The following NEMF variants were observed in gnomAD, a reference collection of about 807,000 sequenced individuals.
NEMF encodes ribosome quality control complex subunit NEMF.
In NEMF, 89 loss-of-function variants were observed where a neutral mutation model predicts 162.2. The observed-to-expected ratio is 0.55, with a 90% CI of 0.46 to 0.65. NEMF has a LOEUF of 0.65. NEMF is among the 30% of genes least tolerant of loss of function. The probability of loss-of-function intolerance (pLI) is 0.00; values close to 1 mark genes in which losing one functional copy is unlikely to be tolerated. For missense variants in NEMF, 1,133 were observed against 1,261.9 expected (o/e 0.90, Z 1.55); for synonymous variants, 421 against 404.5 (o/e 1.04, Z -0.49).
At chr14:49,786,462 A>G (rs1224437505) in intron 29 of NEMF, 2 of 489,722 alleles carry the variant, frequency 4.1e-6, no homozygotes, top group African/African-American at 1.9e-5. Flanking sequence ...CTTTACATAC[A>G]TTAGTTATCA....
chr14:49,804,944 C>T (rs1183786978), intron 19 of NEMF, among the ~76,000 whole-genome samples: 8 of 151,196 alleles, frequency 5.3e-5, no homozygotes, highest in Non-Finnish European at 5.9e-5. Context: ...GCAGGAGAAT[C>T]GCTTGAACCC....
chr14:49,805,104 G>T (rs1256601399), intron 19 of NEMF, among the ~76,000 whole-genome samples: 1 of 152,056 alleles, frequency 6.6e-6, no homozygotes, highest in African/African-American at 2.4e-5. Context: ...ATTTCTTAAT[G>T]AAAGAATTAA....
chr14:49,806,323 G>A (rs1338426930), intron 18 of NEMF, among the ~76,000 whole-genome samples, 190 bp from the exon 19 acceptor site: 2 of 128,950 alleles, frequency 1.6e-5, no homozygotes, highest in Non-Finnish European at 3.2e-5. Context: ...GTGCAATGGC[G>A]CAATCTCAGC....
At chr14:49,843,455 C>T (rs1247999862) in intron 4 of NEMF, among the ~76,000 whole-genome samples, 2 of 152,132 alleles carry the variant, frequency 1.3e-5, no homozygotes, top group African/African-American at 4.8e-5. Context: ...GATCATGCCA[C>T]TGAATTCCAG....
At chr14:49,837,742 GTATTGGGATCAAAAATGCT>G (rs1010496895) in intron 6 of NEMF, among the ~76,000 whole-genome samples, 1 of 148,244 alleles carries the variant, frequency 6.7e-6, no homozygotes, top group African/African-American at 2.5e-5. Context: ...GTATAAAAGT[GTATTGGGATCAAAAATGCT>G]TATTGGGATC....
chr14:49,839,106 T>G (rs1893067071), intron 5 of NEMF, among the ~76,000 whole-genome samples: 2 of 151,210 alleles, frequency 1.3e-5, no homozygotes, highest in Non-Finnish European at 3.0e-5. Context: ...GAGACAGAGT[T>G]TTGCTCTGTT....
rs1019189718 is a variant in NEMF at position 49,782,244 on chromosome 14, C to T, written c.*2392G>A. On this transcript the variant is annotated 3_prime_UTR_variant, in exon 33 of 33. Coordinates refer to ENST00000298310, the MANE Select transcript of NEMF (RefSeq NM_004713.6). ...TACTTTCCCTTAAGATTTTACTTCT[C>T]GCCATGATGTTTTGGTCTGAACTAC... is the stretch of plus-strand genomic sequence containing the variant. 1.6e-5 allele frequency: 9 copies of T among 566,286 alleles called. No individual in the cohort carries two copies. Among genetic ancestry groups the T allele is most frequent in the South Asian group, 2.7e-5 (1 of 37,646 alleles). The allele number at this position is 566,286 out of a possible 1,614,324, so 35.1% of individuals were successfully genotyped here.
Position 49,820,880 on chromosome 14 carries a change from A to G in NEMF, c.1577+4987T>C, listed in dbSNP as rs545815486. On this transcript the variant is annotated intron_variant, in intron 16 of 32. Coordinates refer to ENST00000298310, the MANE Select transcript of NEMF (RefSeq NM_004713.6). The stretch of plus-strand genomic sequence containing the variant: ...AGTGATCCGCCAGCCTCGGCATCCC[A>G]AGGTGCCGGGATTGCAGACGGAGTC... Among the ~76,000 whole-genome samples, 5 of 152,066 alleles carry G rather than the reference A, an allele frequency of 3.3e-5. No homozygotes were observed. The South Asian group carries it at 1.0e-3, about 32-fold the overall frequency.
chr14:49,837,721 G>A (rs1009925071), intron 6 of NEMF, among the ~76,000 whole-genome samples: 7 of 149,742 alleles, frequency 4.7e-5, no homozygotes, highest in Admixed American at 2.7e-4. Flanking sequence ...GCTAAGTGAT[G>A]ATCTTCTCAA....
At chr14:49,827,507 A>G (rs187689389) in intron 15 of NEMF, among the ~76,000 whole-genome samples, 136 of 152,248 alleles carry the variant, frequency 8.9e-4, no homozygotes, top group African/African-American at 3.1e-3. Flanking sequence ...ATTCAAAAGG[A>G]TCACAACGGG....
chr14:49,787,657 C>T (rs1403230405), intron 28 of NEMF, among the ~76,000 whole-genome samples: 1 of 152,150 alleles, frequency 6.6e-6, no homozygotes, highest in Non-Finnish European at 1.5e-5. Context: ...TTTAGGTTCC[C>T]ATATATGAAT....
At position 49,831,257 on chromosome 14, in the gene NEMF, TA is replaced by T. The variant is rs762528068; in HGVS notation, c.945+41del. 3 of 1,146,562 alleles carry T rather than the reference TA, an allele frequency of 2.6e-6. No homozygotes were observed. In the South Asian group the frequency reaches 3.8e-5, roughly 15 times the overall value. 71.0% of individuals were successfully genotyped at this position (1,146,562 alleles called of 1,614,324 possible). On this transcript the variant is annotated intron_variant, in intron 11 of 32. Coordinates refer to ENST00000298310, the MANE Select transcript of NEMF (RefSeq NM_004713.6). ...CTATATCATCTACCCATCAAGCCGCTAAAGACTAGCTGGTTTAATATGTGTT... is the reference window on the plus strand; with the variant it reads ...CTATATCATCTACCCATCAAGCCGCTAAGACTAGCTGGTTTAATATGTGTT...
intron 25 of NEMF, among the ~76,000 whole-genome samples, chr14:49,797,965 C>G (rs754506700): frequency 6.6e-6 from 1 of 152,104 alleles, no homozygotes; most frequent in Non-Finnish European, 1.5e-5. Flanking sequence ...TCCCAAAATG[C>G]GCATGTCAGG....
intron 18 of NEMF, among the ~76,000 whole-genome samples, chr14:49,810,002 G>C (rs1344959575): frequency 6.6e-6 from 1 of 151,948 alleles, no homozygotes; most frequent in African/African-American, 2.4e-5. Context: ...ATGCAGCAGG[G>C]GGTATGAGGG....
At chr14:49,834,483 T>C (rs763968704) in intron 6 of NEMF, 34 bp from the exon 7 acceptor site, 153 of 1,388,238 alleles carry the variant, frequency 1.1e-4, no homozygotes, top group Non-Finnish European at 1.5e-4. Context: ...TTTAGTATTT[T>C]CCTATAAATT....
chr14:49,840,235 G>C (rs1299741717), intron 5 of NEMF, among the ~76,000 whole-genome samples: 2 of 152,200 alleles, frequency 1.3e-5, no homozygotes, highest in Admixed American at 6.5e-5. Context: ...GCCGAGGCAG[G>C]CAGATTGCCT....
At chr14:49,848,956 T>G (rs10129898) in intron 3 of NEMF, among the ~76,000 whole-genome samples, 152,107 of 152,132 alleles carry the variant, frequency 1, 76,041 homozygotes, top group Middle Eastern at 1. Context: ...AAAACAACAA[T>G]AAACACATAA....
In NEMF at chr14:49,829,448, T is replaced by G. The variant is rs765175774; in HGVS notation, c.946-22A>C. 1.9e-6 allele frequency: 3 copies of G among 1,596,184 alleles called. No homozygotes were observed. The East Asian group carries it at 6.7e-5, about 36-fold the overall frequency. Reference sequence around the variant, plus strand: ...TTTCCTTTTATTGGCAAAACAGATTTTTTAAAAATTAGATTTCTCCTACCT... The same window carrying G: ...TTTCCTTTTATTGGCAAAACAGATTGTTTAAAAATTAGATTTCTCCTACCT... On this transcript the variant is annotated intron_variant, in intron 11 of 32. Coordinates refer to ENST00000298310, the MANE Select transcript of NEMF (RefSeq NM_004713.6).
chr14:49,841,195 T>TTAAGAAAAAAAAAAAAAAAA (rs1893185081), intron 4 of NEMF, among the ~76,000 whole-genome samples: 1 of 17,810 alleles, frequency 5.6e-5, no homozygotes, highest in African/African-American at 3.0e-4. Flanking sequence ...AAACTCTGTC[T>TTAAGAAAAAAAAAAAAAAAA]CAAAAAAAAA....
Sources: allele counts gnomAD v4.1 joint callset (sites outside exome capture counted in the v4.1 genomes callset), GRCh38; gene constraint gnomAD v4.1.1; transcripts MANE v1.5; gene names NCBI Gene and HGNC (gene_info 2026-07-23, HGNC 2026-07-21).